Variants in ENPP6 observed in about 807,000 individuals in gnomAD.
ENPP6 encodes ectonucleotide pyrophosphatase/phosphodiesterase 6, also known as glycerophosphocholine cholinephosphodiesterase ENPP6.
In ENPP6, 32 loss-of-function variants were observed where a neutral mutation model predicts 42.0. That is an observed-to-expected ratio of 0.76 (90% CI 0.58 to 1.02). The LOEUF is 1.02. Among genes scored for constraint, ENPP6 ranks in the 50% least tolerant of loss-of-function variants. The probability of loss-of-function intolerance (pLI) is 0.00; values close to 1 mark genes in which losing one functional copy is unlikely to be tolerated. For missense variants in ENPP6, 552 were observed against 566.8 expected (o/e 0.97, Z 0.27); for synonymous variants, 213 against 216.0 (o/e 0.99, Z 0.12).
intron 1 of ENPP6, 143 bp from the exon 2 acceptor site, chr4:184,153,876 T>G: frequency 2.0e-6 from 2 of 977,164 alleles, no homozygotes; most frequent in Non-Finnish European, 2.8e-6. Context: ...TAAAAAAAAA[T>G]CAGATTTTTT....
rs1234855489 is a variant in ENPP6 at position 184,090,453 on chromosome 4, T to C, written c.*724A>G. The C allele has an allele frequency of 6.6e-6, 1 of 152,306 alleles. No homozygotes were observed. Among genetic ancestry groups the C allele is most frequent in the Non-Finnish European group, 1.5e-5 (1 of 68,070 alleles). The allele number at this position is 152,306 out of a possible 1,614,324, so 9.4% of individuals were successfully genotyped here. A position where few individuals can be genotyped will look rare whatever the true frequency, so the allele number is the denominator to read the frequency against. On this transcript the variant is annotated 3_prime_UTR_variant, in exon 8 of 8. Coordinates refer to ENST00000296741, the MANE Select transcript of ENPP6 (RefSeq NM_153343.4). Reference sequence around the variant, plus strand: ...GTGTGATAAGTCTCACAGAAGCCCATGTCCATCAGAAGCTTTTCTGCTCCT... The same window carrying C: ...GTGTGATAAGTCTCACAGAAGCCCACGTCCATCAGAAGCTTTTCTGCTCCT...
chr4:184,106,191 T>A (rs1736089820), intron 6 of ENPP6, among the ~76,000 whole-genome samples: 1 of 152,098 alleles, frequency 6.6e-6, no homozygotes, highest in Non-Finnish European at 1.5e-5. Flanking sequence ...CATACCACCA[T>A]GCCCGGTTAA....
At chr4:184,091,823 G>C (rs1735808494) in intron 7 of ENPP6, among the ~76,000 whole-genome samples, 1 of 152,168 alleles carries the variant, frequency 6.6e-6, no homozygotes, top group South Asian at 2.1e-4. Context: ...TTAAGCCCAG[G>C]AGTTCAAGGC....
intron 1 of ENPP6, among the ~76,000 whole-genome samples, chr4:184,157,368 T>C (rs544777498): frequency 2.0e-5 from 3 of 152,332 alleles, no homozygotes; most frequent in Admixed American, 6.5e-5. Context: ...AAGTTAGCCT[T>C]ACCATCTTTA....
intron 1 of ENPP6, among the ~76,000 whole-genome samples, chr4:184,157,774 A>ATTTTTTTT (rs34358499): frequency 4.1e-5 from 5 of 122,360 alleles, no homozygotes; most frequent in African/African-American, 6.3e-5. Context: ...AACTTGGCTA[A>ATTTTTTTT]TTTTTTTTTT....
At position 184,090,908 on chromosome 4, in the gene ENPP6, T is replaced by C; in HGVS notation, c.*269A>G. On this transcript the variant is annotated 3_prime_UTR_variant, in exon 8 of 8. Transcript: ENST00000296741. ...AGGTCCCTGCTCAGAGAGTTCATCC[T>C]GAGTAACGTGAAAAGAAAGGAGAAA... The C allele has an allele frequency of 6.6e-6, 3 of 454,288 alleles. No homozygotes were observed. Among genetic ancestry groups the C allele is most frequent in the Non-Finnish European group, 1.2e-5 (3 of 260,800 alleles). 28.1% of individuals were successfully genotyped at this position (454,288 alleles called of 1,614,324 possible). A position where few individuals can be genotyped will look rare whatever the true frequency, so the allele number is the denominator to read the frequency against.
In ENPP6 at chr4:184,091,291, G is replaced by A. The variant is rs1053717739; in HGVS notation, c.1209C>T (p.Asn403=). Residue 403 remains asparagine (N), a synonymous_variant, in exon 8 of 8, where the codon AAC becomes AAT. Transcript: ENST00000296741. ...ACATCACCCTGGACCAGGATCCGTTGTTGGGCAGCGGGGTGATGCCCACCA... is the reference window on the plus strand; with the variant it reads ...ACATCACCCTGGACCAGGATCCGTTATTGGGCAGCGGGGTGATGCCCACCA... The part of the protein sequence containing the change: ...CNVVGITPLP[N]NGSWSRVMCM... 1 of 1,614,088 alleles carries A rather than the reference G, an allele frequency of 6.2e-7. No homozygotes were observed. The highest frequency in any genetic ancestry group is 1.1e-5 in the South Asian group (1 of 91,054).
chr4:184,208,577 TG>T (rs1374906163), intron 1 of ENPP6, among the ~76,000 whole-genome samples: 1 of 151,454 alleles, frequency 6.6e-6, no homozygotes, highest in African/African-American at 2.4e-5. Context: ...CGCACCTGGC[TG>T]GGAGGGTCCT....
rs373090992 is a variant in ENPP6 at position 184,162,521 on chromosome 4, A to C, written c.242-8788T>G. Among the ~76,000 whole-genome samples, 7 of 145,256 alleles carry C rather than the reference A, an allele frequency of 4.8e-5. No homozygotes were observed. The East Asian group carries it at 1.4e-3, about 30-fold the overall frequency. On this transcript the variant is annotated intron_variant, in intron 1 of 7. Transcript: ENST00000296741. ...TACTTTTGAAAGAAGGAAAGAAGGAAGAAAGGAAGGAAAGGGAGGGAGGGA... is the reference window on the plus strand; with the variant it reads ...TACTTTTGAAAGAAGGAAAGAAGGACGAAAGGAAGGAAAGGGAGGGAGGGA...
intron 5 of ENPP6, among the ~76,000 whole-genome samples, chr4:184,114,967 G>A (rs1028728608): frequency 1.3e-5 from 2 of 152,102 alleles, no homozygotes; most frequent in African/African-American, 4.8e-5. Flanking sequence ...TGGGAGCAGT[G>A]GCATTCTGGG....
chr4:184,102,962 A>G (rs955373979), intron 6 of ENPP6, among the ~76,000 whole-genome samples: 2 of 152,258 alleles, frequency 1.3e-5, no homozygotes, highest in Non-Finnish European at 2.9e-5. Context: ...GGCATCTGCC[A>G]TGGGCCATGT....
chr4:184,173,209 G>A (rs6810887), intron 1 of ENPP6, among the ~76,000 whole-genome samples: 126,827 of 152,116 alleles, frequency 0.83, 54,559 homozygotes, highest in East Asian at 1. Context: ...CCGGCCTATC[G>A]AGGGTTTTAA....
chr4:184,113,969 T>TTCTTTCTTTCTTTCTC (rs1736272871), intron 5 of ENPP6, among the ~76,000 whole-genome samples: 4 of 135,194 alleles, frequency 3.0e-5, no homozygotes, highest in African/African-American at 1.1e-4. Flanking sequence ...CTTTCTCTCT[T>TTCTTTCTTTCTTTCTC]TCTTTCTTTC....
At chr4:184,094,626 C>T (rs940369821) in intron 7 of ENPP6, among the ~76,000 whole-genome samples, 3 of 152,232 alleles carry the variant, frequency 2.0e-5, no homozygotes, top group African/African-American at 4.8e-5. Context: ...ACAGAGAGTC[C>T]AAGTTATCCT....
intron 1 of ENPP6, among the ~76,000 whole-genome samples, chr4:184,179,886 ATT>A (rs1381089783): frequency 6.6e-6 from 1 of 152,226 alleles, no homozygotes; most frequent in Non-Finnish European, 1.5e-5. Context: ...TAAGAGGGAA[ATT>A]TATAGCACTG....
At position 184,089,206 on chromosome 4, in the gene ENPP6, G is replaced by A. The variant is rs752400253; in HGVS notation, c.*1971C>T. 2.0e-5 allele frequency: 3 copies of A among 152,236 alleles called. No homozygotes were observed. The highest frequency in any genetic ancestry group is 1.9e-4 in the East Asian group (1 of 5,190). 9.4% of individuals were successfully genotyped at this position (152,236 alleles called of 1,614,324 possible). ...CCAATTGATCCGATGGTTTACTGGC[G>A]CTTTTAAAACACATTACATAAATCT... On this transcript the variant is annotated 3_prime_UTR_variant, in exon 8 of 8. Coordinates refer to ENST00000296741, the MANE Select transcript of ENPP6 (RefSeq NM_153343.4).
chr4:184,162,552 G>GAGGGAGGGAAGGAGGGAAGGAAGA (rs1560997371), intron 1 of ENPP6, among the ~76,000 whole-genome samples: 1,976 of 129,180 alleles, frequency 0.015, 53 homozygotes, highest in African/African-American at 0.053. Flanking sequence ...AGGGAAGAAG[G>GAGGGAGGGAAGGAGGGAAGGAAGA]AAGGAAAGAA....
chr4:184,114,325 C>G (rs1014308777), intron 5 of ENPP6, among the ~76,000 whole-genome samples: 7 of 152,200 alleles, frequency 4.6e-5, no homozygotes, highest in African/African-American at 1.7e-4. Flanking sequence ...TTAAAATCGA[C>G]TGACTGATAT....
At position 184,153,696 on chromosome 4, in the gene ENPP6, G is replaced by A; in HGVS notation, c.279C>T (p.Tyr93=). The change falls in exon 2 of 8, where the codon TAC becomes TAT. Residue 93 remains tyrosine (Y), a synonymous_variant. Coordinates refer to ENST00000296741, the MANE Select transcript of ENPP6 (RefSeq NM_153343.4). ...HCEVHQMIGN[Y]MWDPTTNKSF... The stretch of plus-strand genomic sequence containing the variant: ...ACTTGTTGGTGGTGGGGTCCCACAT[G>A]TAGTTCCCGATCATCTGATGGACTT... 3.7e-6 allele frequency: 6 copies of A among 1,614,182 alleles called. No individual in the cohort carries two copies. Among genetic ancestry groups the A allele is most frequent in the South Asian group, 1.1e-5 (1 of 91,082 alleles).
Sources: allele counts gnomAD v4.1 joint callset (sites outside exome capture counted in the v4.1 genomes callset), GRCh38; gene constraint gnomAD v4.1.1; transcripts MANE v1.5; gene names NCBI Gene and HGNC (gene_info 2026-07-23, HGNC 2026-07-21).